OR51B5: variants seen among roughly 807,000 people sequenced by gnomAD.
The protein encoded by OR51B5 is olfactory receptor 51B5.
For synonymous variants in OR51B5, 186 were observed against 144.8 expected (o/e 1.28, Z -2.04); for missense variants, 456 against 374.6 (o/e 1.22, Z -1.79).
chr11:5,370,482 TTA>T (rs1191858692), intron 1 of OR51B5, among the ~76,000 whole-genome samples: 2 of 152,186 alleles, frequency 1.3e-5, no homozygotes, highest in Non-Finnish European at 2.9e-5. Flanking sequence ...GGGCAATAAT[TTA>T]ATGCCAGAAA....
rs528444833 is a variant in OR51B5, at chr11:5,470,415, C to T, written n.84+35154G>A. Among the ~76,000 whole-genome samples, 5 of 152,246 alleles carry T rather than the reference C, an allele frequency of 3.3e-5. No homozygotes were observed. In the South Asian group the frequency reaches 1.0e-3, roughly 32 times the overall value. On this transcript the variant is annotated intron_variant and non_coding_transcript_variant, in intron 1 of 4. Transcript: ENST00000415970. ...TTCTTCTGAGTAATCACCCATTTTC[C>T]ACTCACTTTCACAACTAATACCTTG...
intron 1 of OR51B5, among the ~76,000 whole-genome samples, chr11:5,495,741 A>G (rs927535673): frequency 5.3e-5 from 8 of 152,222 alleles, no homozygotes; most frequent in African/African-American, 1.9e-4. Context: ...GCCTATCAAT[A>G]ATCACTTTAA....
intron 1 of OR51B5, among the ~76,000 whole-genome samples, chr11:5,496,672 C>A (rs952261610): frequency 2.0e-5 from 3 of 152,160 alleles, no homozygotes; most frequent in Admixed American, 1.3e-4. Context: ...TTTTTCAGTG[C>A]ACCTTTGAGT....
chr11:5,388,880 G>C (rs1314774770), intron 1 of OR51B5, among the ~76,000 whole-genome samples: 2 of 152,016 alleles, frequency 1.3e-5, no homozygotes, highest in African/African-American at 4.8e-5. Context: ...CTTGGTGATT[G>C]GTTGATTAGA....
intron 1 of OR51B5, among the ~76,000 whole-genome samples, chr11:5,360,257 C>A (rs950892583): frequency 6.6e-6 from 1 of 151,696 alleles, no homozygotes. Context: ...CGACAAAGGG[C>A]TAATATCCAG....
chr11:5,466,166 AGAC>A (rs1432511879), intron 1 of OR51B5, among the ~76,000 whole-genome samples: 2 of 152,360 alleles, frequency 1.3e-5, no homozygotes, highest in South Asian at 2.1e-4. Context: ...TCATTTACGT[AGAC>A]GACAATACAC....
At position 5,446,169 on chromosome 11, in the gene OR51B5, G is replaced by A. The variant is rs370719531; in HGVS notation, n.84+59400C>T. Reference sequence around the variant, plus strand: ...ACCTAATGTAAATGATGAGTTAATGGGTGCAGCACACCAACATGGCACATG... The same window carrying A: ...ACCTAATGTAAATGATGAGTTAATGAGTGCAGCACACCAACATGGCACATG... On this transcript the variant is annotated intron_variant and non_coding_transcript_variant, in intron 1 of 4. Coordinates refer to the OR51B5 transcript ENST00000415970. Among the ~76,000 whole-genome samples the A allele has an allele frequency of 4.1e-4, 62 of 151,966 alleles. No homozygotes were observed. The Middle Eastern group carries it at 0.01, about 25-fold the overall frequency.
chr11:5,392,916 A>G (rs984813813), intron 1 of OR51B5: 1 of 55,616 alleles, frequency 1.8e-5, no homozygotes, highest in Non-Finnish European at 4.5e-5. Flanking sequence ...CTTCTCAAAA[A>G]CAAAAAAAAA....
chr11:5,347,253 C>G (rs1205519780), upstream of OR51B5, among the ~76,000 whole-genome samples: 2 of 152,086 alleles, frequency 1.3e-5, no homozygotes, highest in African/African-American at 4.8e-5. Flanking sequence ...AAGAGAAAGC[C>G]TATATATCTT....
upstream of OR51B5, among the ~76,000 whole-genome samples, chr11:5,346,568 T>C (rs11036930): frequency 0.3 from 45,241 of 152,098 alleles, 7,438 homozygotes; most frequent in Non-Finnish European, 0.38. Flanking sequence ...CTGTTCATCT[T>C]TTAGAAAGGA....
chr11:5,491,660 G>T (rs1430653731), intron 1 of OR51B5, among the ~76,000 whole-genome samples: 5 of 152,216 alleles, frequency 3.3e-5, no homozygotes, highest in Admixed American at 3.3e-4. Flanking sequence ...CTGAAATAGT[G>T]ATGGATCAAT....
chr11:5,480,390 C>G (rs2133807701), intron 1 of OR51B5, among the ~76,000 whole-genome samples: 1 of 151,692 alleles, frequency 6.6e-6, no homozygotes, highest in South Asian at 2.1e-4. Context: ...CACTAAAGGC[C>G]CACAAGAGAA....
intron 1 of OR51B5, among the ~76,000 whole-genome samples, chr11:5,475,244 A>G (rs887027368): frequency 1.3e-5 from 2 of 152,174 alleles, no homozygotes; most frequent in African/African-American, 2.4e-5. Flanking sequence ...TATTTTCATG[A>G]TGATAAAATC....
At chr11:5,468,523 C>A (rs369214389) in intron 1 of OR51B5, 8 of 373,440 alleles carry the variant, frequency 2.1e-5, no homozygotes, top group Non-Finnish European at 4.3e-5. Flanking sequence ...GTGTAGTCTC[C>A]TGCGAATCTC....
At chr11:5,483,106 C>T (rs1224345847) in intron 1 of OR51B5, among the ~76,000 whole-genome samples, 2 of 150,580 alleles carry the variant, frequency 1.3e-5, no homozygotes, top group East Asian at 3.9e-4. Context: ...TGGAACCAAC[C>T]CAAATGTCCA....
At chr11:5,449,538 T>C (rs1850814058) in intron 1 of OR51B5, among the ~76,000 whole-genome samples, 1 of 152,208 alleles carries the variant, frequency 6.6e-6, no homozygotes. Flanking sequence ...TCTCTGGACT[T>C]GGGGTTCTTG....
intron 1 of OR51B5, among the ~76,000 whole-genome samples, chr11:5,399,110 A>C (rs1480617973): frequency 6.6e-6 from 1 of 152,188 alleles, no homozygotes; most frequent in Non-Finnish European, 1.5e-5. Context: ...ATGGAAAACA[A>C]AACAAAAACA....
intron 1 of OR51B5, chr11:5,389,751 C>T: frequency 6.2e-7 from 1 of 1,613,996 alleles, no homozygotes; most frequent in South Asian, 1.1e-5. Flanking sequence ...TGCATCCACT[C>T]TTTTTCCTTC....
At chr11:5,431,296 A>G (rs10838096) in intron 1 of OR51B5, 150,741 of 301,280 alleles carry the variant, frequency 0.5, 40,449 homozygotes, top group Non-Finnish European at 0.58. Context: ...AATGAAGAAC[A>G]TCTGGGCCAG....
Sources: allele counts gnomAD v4.1 joint callset (sites outside exome capture counted in the v4.1 genomes callset), GRCh38; gene constraint gnomAD v4.1.1; transcripts MANE v1.5; gene names NCBI Gene and HGNC (gene_info 2026-07-23, HGNC 2026-07-21).